Variants in R3HDM2 observed in about 807,000 individuals in gnomAD.
R3HDM2 encodes the protein R3H domain containing 2, also known as R3H domain-containing protein 2.
A neutral mutation model predicts 124.5 loss-of-function variants in R3HDM2; 38 were observed. The observed-to-expected ratio is 0.31, with a 90% confidence interval of 0.24 to 0.40. The LOEUF (loss-of-function observed/expected upper bound fraction) is 0.40, where lower values mean the gene tolerates loss of function less well. R3HDM2 is among the 10% of genes least tolerant of loss of function. The pLI, the probability that R3HDM2 is intolerant of heterozygous loss-of-function variation, is 1.00. For missense variants in R3HDM2, 869 were observed against 1,236.9 expected, an observed-to-expected ratio of 0.70 and a Z score of 4.46; for synonymous variants, 391 against 448.0, an observed-to-expected ratio of 0.87 and a Z score of 1.61.
At chr12:57,418,893 T>G (rs1156524785) in intron 1 of R3HDM2, among the ~76,000 whole-genome samples, 1 of 152,116 alleles carries the variant, frequency 6.6e-6, no homozygotes, top group Non-Finnish European at 1.5e-5. Context: ...TACAATAGCC[T>G]CCTAACCAGT....
chr12:57,406,134 C>T (rs957303816), intron 1 of R3HDM2, among the ~76,000 whole-genome samples: 3 of 151,970 alleles, frequency 2.0e-5, no homozygotes, highest in South Asian at 2.1e-4. Flanking sequence ...CCAGCCTGAC[C>T]GACATGGTGA....
chr12:57,429,531 T>C (rs1245376707), intron 1 of R3HDM2, among the ~76,000 whole-genome samples: 1 of 152,132 alleles, frequency 6.6e-6, no homozygotes, highest in African/African-American at 2.4e-5. Context: ...CAGACCAGCC[T>C]GGGCAGCAAG....
At position 57,268,392 on chromosome 12, in the gene R3HDM2, A is replaced by T; in HGVS notation, c.1941T>A (p.Pro647=). The change falls in exon 18 of 24, where the codon CCT becomes CCA. Residue 647 remains proline (P), a synonymous_variant. Coordinates refer to ENST00000402412, the MANE Select transcript of R3HDM2 (RefSeq NM_001394031.1). ...GGCCTCCTTGCACAGACTGGCTCAC[A>T]GGGACCAGCATGGGTTGCTGGAAAG... The part of the protein sequence containing the change: ...QPPFQQPMLV[P]VSQSVQGGLP... 6.2e-7 allele frequency: 1 copy of T among 1,614,164 alleles called. No individual in the cohort carries two copies. The highest frequency in any genetic ancestry group is 8.5e-7 in the Non-Finnish European group (1 of 1,180,016).
chr12:57,345,049 G>A (rs577071434), intron 2 of R3HDM2, among the ~76,000 whole-genome samples: 1 of 152,006 alleles, frequency 6.6e-6, no homozygotes, highest in East Asian at 1.9e-4. Flanking sequence ...GGTCAGGCTG[G>A]TATCAAACTC....
chr12:57,313,470 G>C (rs772842260), intron 2 of R3HDM2, among the ~76,000 whole-genome samples: 1 of 151,442 alleles, frequency 6.6e-6, no homozygotes, highest in Non-Finnish European at 1.5e-5. Context: ...AGGCTGAGGC[G>C]GGAGGATCAC....
At chr12:57,373,996 C>T (rs756991323) in intron 2 of R3HDM2, among the ~76,000 whole-genome samples, 1 of 149,886 alleles carries the variant, frequency 6.7e-6, no homozygotes, top group South Asian at 2.1e-4. Flanking sequence ...GGGGTGGTGA[C>T]GGGCACCTGT....
chr12:57,255,978 C>G lies in R3HDM2; in HGVS notation c.2632+12G>C, dbSNP rs2038865634. 1 of 1,608,876 alleles carries G rather than the reference C, an allele frequency of 6.2e-7. No individual in the cohort carries two copies. Among genetic ancestry groups the G allele is most frequent in the Non-Finnish European group, 8.5e-7 (1 of 1,177,200 alleles). Reference sequence around the variant, plus strand: ...GCACCTTCTCTTGGGGATTCAGCATCCCGTGACTCACCAACATCTGCTGTC... The same window carrying G: ...GCACCTTCTCTTGGGGATTCAGCATGCCGTGACTCACCAACATCTGCTGTC... On this transcript the variant is annotated intron_variant, in intron 23 of 23. Coordinates refer to ENST00000402412, the MANE Select transcript of R3HDM2 (RefSeq NM_001394031.1).
chr12:57,391,289 T>C (rs549011903), intron 2 of R3HDM2, among the ~76,000 whole-genome samples: 5 of 152,270 alleles, frequency 3.3e-5, no homozygotes, highest in East Asian at 3.9e-4. Context: ...TCTAACAACT[T>C]TGATGAATCT....
At chr12:57,314,020 C>A (rs1398998490) in intron 2 of R3HDM2, among the ~76,000 whole-genome samples, 2 of 150,886 alleles carry the variant, frequency 1.3e-5, no homozygotes, top group Non-Finnish European at 2.9e-5. Context: ...GAAACCCCGT[C>A]TCTACTAAAA....
At chr12:57,357,435 C>A (rs1593836300) in intron 2 of R3HDM2, among the ~76,000 whole-genome samples, 1 of 151,504 alleles carries the variant, frequency 6.6e-6, no homozygotes, top group Admixed American at 6.6e-5. Flanking sequence ...GCACTCCAGC[C>A]TGGGCGACAG....
chr12:57,409,810 C>CT (rs370423456), intron 1 of R3HDM2, among the ~76,000 whole-genome samples: 11 of 152,060 alleles, frequency 7.2e-5, no homozygotes, highest in African/African-American at 2.7e-4. Context: ...CCCTTCATAA[C>CT]TTTTTTGTCT....
At chr12:57,281,200 T>C (rs1293879787) in intron 13 of R3HDM2, among the ~76,000 whole-genome samples, 3 of 147,864 alleles carry the variant, frequency 2.0e-5, no homozygotes, top group African/African-American at 7.5e-5. Context: ...GACAGGAGAA[T>C]CGCTTGAACC....
intron 2 of R3HDM2, among the ~76,000 whole-genome samples, chr12:57,326,334 G>A (rs113230387): frequency 6.6e-6 from 1 of 152,310 alleles, no homozygotes; most frequent in African/African-American, 2.4e-5. Context: ...GCCAAGACAG[G>A]TCAAAAGCTA....
chr12:57,312,070 C>T (rs11172156), intron 2 of R3HDM2, among the ~76,000 whole-genome samples: 69,278 of 152,088 alleles, frequency 0.46, 16,454 homozygotes, highest in Middle Eastern at 0.8. Context: ...TTCTTTCCCT[C>T]CTTTACTGGA....
chr12:57,301,478 C>G (rs2051148562), intron 4 of R3HDM2, among the ~76,000 whole-genome samples: 1 of 152,246 alleles, frequency 6.6e-6, no homozygotes, highest in Non-Finnish European at 1.5e-5. Context: ...TCACTTGCTA[C>G]TGAATGTTAA....
intron 19 of R3HDM2, among the ~76,000 whole-genome samples, chr12:57,260,009 A>C (rs1331133952): frequency 1.3e-5 from 2 of 152,078 alleles, no homozygotes; most frequent in Non-Finnish European, 2.9e-5. Context: ...CATGGCTGTA[A>C]TCCCGGCACT....
At chr12:57,285,130 C>T (rs1484531946) in intron 12 of R3HDM2, among the ~76,000 whole-genome samples, 1 of 152,126 alleles carries the variant, frequency 6.6e-6, no homozygotes, top group Admixed American at 6.5e-5. Context: ...GTTTGGGCTC[C>T]CTTCTTTTTA....
chr12:57,402,436 C>T (rs2068126183), intron 1 of R3HDM2, among the ~76,000 whole-genome samples: 1 of 152,134 alleles, frequency 6.6e-6, no homozygotes, highest in Admixed American at 6.5e-5. Context: ...GCAACCTCCA[C>T]CTCCTGGGTT....
At chr12:57,294,017 A>G (rs563069433) in intron 10 of R3HDM2, among the ~76,000 whole-genome samples, 2 of 152,322 alleles carry the variant, frequency 1.3e-5, no homozygotes, top group Admixed American at 6.5e-5. Context: ...TCCCAGTAAT[A>G]TAACTTTAGA....
Sources: gnomAD v4.1 joint callset for allele counts (sites outside exome capture counted in the v4.1 genomes callset) on GRCh38, gnomAD v4.1.1 for gene constraint, MANE v1.5 for transcripts, NCBI Gene and HGNC (gene_info 2026-07-23, HGNC 2026-07-21) for gene names.